The following HCN1 variants were observed in gnomAD, a reference collection of about 807,000 sequenced individuals.
HCN1 encodes the protein hyperpolarization activated cyclic nucleotide gated potassium channel 1, also known as potassium/sodium hyperpolarization-activated cyclic nucleotide-gated channel 1.
HCN1 carries 13 observed loss-of-function variants against 78.9 expected under a neutral mutation model. The ratio of observed to expected loss-of-function variants is 0.16; its 90% CI spans 0.11 to 0.26. The LOEUF is 0.26. HCN1 is among the 10% of genes least tolerant of loss of function. The probability of loss-of-function intolerance (pLI) is 1.00; values close to 1 mark genes in which losing one functional copy is unlikely to be tolerated. For synonymous variants in HCN1, 552 were observed against 455.5 expected, an observed-to-expected ratio of 1.21 and a Z score of -2.70; for missense variants, 810 against 1,154.3, an observed-to-expected ratio of 0.70 and a Z score of 4.32.
intron 2 of HCN1, among the ~76,000 whole-genome samples, chr5:45,520,990 T>G (rs1579946083): frequency 7.0e-6 from 1 of 143,758 alleles, no homozygotes; most frequent in South Asian, 2.2e-4. Flanking sequence ...TCCTAAGAGG[T>G]TTTTTTTTTT....
At chr5:45,417,751 C>CAAAAA (rs1212611466) in intron 3 of HCN1, among the ~76,000 whole-genome samples, 9 of 14,806 alleles carry the variant, frequency 6.1e-4, no homozygotes, top group South Asian at 2.4e-3. Context: ...TGTAGAGAGA[C>CAAAAA]AAAAAAAAAA....
At chr5:45,519,374 A>C (rs974410686) in intron 2 of HCN1, among the ~76,000 whole-genome samples, 5 of 152,070 alleles carry the variant, frequency 3.3e-5, no homozygotes, top group Admixed American at 2.0e-4. Context: ...TCAAACACAC[A>C]AACATACACA....
chr5:45,457,411 T>C (rs1223980437), intron 3 of HCN1, among the ~76,000 whole-genome samples: 1 of 152,110 alleles, frequency 6.6e-6, no homozygotes, highest in African/African-American at 2.4e-5. Context: ...ACTAATCTTA[T>C]TAGAAAGTAA....
chr5:45,311,564 T>C (rs1745852163), intron 5 of HCN1, among the ~76,000 whole-genome samples: 1 of 152,226 alleles, frequency 6.6e-6, no homozygotes, highest in South Asian at 2.1e-4. Context: ...AGTTAAATGA[T>C]ATTAAGTTCT....
At chr5:45,446,889 A>G (rs960366574) in intron 3 of HCN1, among the ~76,000 whole-genome samples, 3 of 152,152 alleles carry the variant, frequency 2.0e-5, no homozygotes, top group African/African-American at 7.2e-5. Flanking sequence ...TGAAGGAAGC[A>G]CTAAACATGG....
intron 5 of HCN1, among the ~76,000 whole-genome samples, chr5:45,337,549 G>T (rs1746488718): frequency 6.6e-6 from 1 of 152,074 alleles, no homozygotes; most frequent in Non-Finnish European, 1.5e-5. Context: ...CTTATTTATT[G>T]TGTACTTATT....
chr5:45,547,594 T>C (rs1319778451), intron 2 of HCN1, among the ~76,000 whole-genome samples: 4 of 151,884 alleles, frequency 2.6e-5, no homozygotes, highest in African/African-American at 9.7e-5. Flanking sequence ...ACAGTTTACG[T>C]TCTGAGCCCA....
chr5:45,455,644 G>A (rs941173372), intron 3 of HCN1, among the ~76,000 whole-genome samples: 7 of 150,484 alleles, frequency 4.7e-5, no homozygotes, highest in African/African-American at 1.5e-4. Flanking sequence ...AGGTAATTCC[G>A]ATATGTATGT....
chr5:45,590,814 T>C (rs1744345520), intron 2 of HCN1, among the ~76,000 whole-genome samples: 1 of 152,184 alleles, frequency 6.6e-6, no homozygotes, highest in South Asian at 2.1e-4. Context: ...GCTCGATAGC[T>C]AGTTACATTG....
At chr5:45,646,994 A>C (rs907846035) in intron 1 of HCN1, among the ~76,000 whole-genome samples, 2 of 152,192 alleles carry the variant, frequency 1.3e-5, no homozygotes, top group African/African-American at 4.8e-5. Flanking sequence ...GGTGAGGTAT[A>C]CATGTGTATA....
chr5:45,627,084 C>A (rs1290340916), intron 2 of HCN1, among the ~76,000 whole-genome samples: 2 of 151,980 alleles, frequency 1.3e-5, no homozygotes, highest in Admixed American at 6.6e-5. Flanking sequence ...TTCTCAAAGT[C>A]AAACTCTTAA....
intron 1 of HCN1, among the ~76,000 whole-genome samples, chr5:45,666,850 T>C (rs1251711239): frequency 6.6e-6 from 1 of 152,028 alleles, no homozygotes; most frequent in Non-Finnish European, 1.5e-5. Context: ...GTTCCTTGAA[T>C]ATTTTATTGT....
chr5:45,276,318 A>T (rs953916565), intron 6 of HCN1, among the ~76,000 whole-genome samples: 4 of 152,122 alleles, frequency 2.6e-5, no homozygotes, highest in Non-Finnish European at 5.9e-5. Context: ...GAATGGATTC[A>T]TTAGTGCAGT....
chr5:45,298,755 C>A (rs1745549023), intron 6 of HCN1, among the ~76,000 whole-genome samples: 1 of 151,940 alleles, frequency 6.6e-6, no homozygotes, highest in African/African-American at 2.4e-5. Context: ...ACTCCCCGCT[C>A]CTTACTTGTG....
intron 6 of HCN1, among the ~76,000 whole-genome samples, chr5:45,300,447 C>CATTTATTATGATGATCT (rs1745588993): frequency 2.0e-5 from 3 of 151,982 alleles, no homozygotes; most frequent in Admixed American, 6.6e-5. Flanking sequence ...GATGATGATC[C>CATTTATTATGATGATCT]ATTTATTATG....
chr5:45,392,779 C>T (rs1295501784), intron 4 of HCN1, among the ~76,000 whole-genome samples: 8 of 151,152 alleles, frequency 5.3e-5, no homozygotes, highest in Non-Finnish European at 1.2e-4. Context: ...GAGCGAGACT[C>T]CATCTCAAAG....
intron 2 of HCN1, among the ~76,000 whole-genome samples, chr5:45,513,288 T>A (rs1216575023): frequency 6.6e-6 from 1 of 152,224 alleles, no homozygotes; most frequent in African/African-American, 2.4e-5. Flanking sequence ...ATAATACATA[T>A]AACTCTGAAG....
At chr5:45,315,683 G>A (rs889719910) in intron 5 of HCN1, among the ~76,000 whole-genome samples, 5 of 151,928 alleles carry the variant, frequency 3.3e-5, no homozygotes, top group Non-Finnish European at 7.4e-5. Context: ...TGATAAAGAA[G>A]AAAAGAGAGA....
At chr5:45,673,263 T>A (rs558548986) in intron 1 of HCN1, among the ~76,000 whole-genome samples, 135 of 151,740 alleles carry the variant, frequency 8.9e-4, no homozygotes, top group African/African-American at 3.1e-3. Flanking sequence ...TCATGTCAAG[T>A]GTATATACTA....
Sources: gnomAD v4.1 joint callset for allele counts (sites outside exome capture counted in the v4.1 genomes callset) on GRCh38, gnomAD v4.1.1 for gene constraint, MANE v1.5 for transcripts, NCBI Gene and HGNC (gene_info 2026-07-23, HGNC 2026-07-21) for gene names.